TAFA2: variants seen among roughly 807,000 people sequenced by gnomAD.
The protein encoded by TAFA2 is chemokine-like protein TAFA-2.
Under a neutral mutation model 18.8 loss-of-function variants are expected in TAFA2, and 7 were observed. The observed-to-expected ratio is 0.37, with a 90% CI of 0.21 to 0.70. The LOEUF (loss-of-function observed/expected upper bound fraction) is 0.70, where lower values mean the gene tolerates loss of function less well. Ranked by LOEUF, TAFA2 falls within the 30% of genes least tolerant of loss-of-function variation. The pLI, the probability that TAFA2 is intolerant of heterozygous loss-of-function variation, is 0.53. For synonymous variants in TAFA2, 60 were observed against 54.2 expected (o/e 1.11, Z -0.47); for missense variants, 122 against 158.1 (o/e 0.77, Z 1.23).
At chr12:61,833,162 A>G (rs1401588675) in intron 2 of TAFA2, among the ~76,000 whole-genome samples, 1 of 150,968 alleles carries the variant, frequency 6.6e-6, no homozygotes, top group Non-Finnish European at 1.5e-5. Context: ...GGTAAAAACT[A>G]TTCCACTAGA....
At chr12:62,184,862 T>C (rs2062575748) in intron 1 of TAFA2, among the ~76,000 whole-genome samples, 1 of 152,148 alleles carries the variant, frequency 6.6e-6, no homozygotes, top group Non-Finnish European at 1.5e-5. Context: ...GCTGAGAAAC[T>C]GAGGCACAGA....
At chr12:61,984,325 A>G (rs1179395152) in intron 1 of TAFA2, among the ~76,000 whole-genome samples, 1 of 152,234 alleles carries the variant, frequency 6.6e-6, no homozygotes, top group Non-Finnish European at 1.5e-5. Flanking sequence ...CATTCATGCA[A>G]GGATACAGAT....
chr12:62,240,741 T>A (rs949236350), intron 1 of TAFA2, among the ~76,000 whole-genome samples: 5 of 152,082 alleles, frequency 3.3e-5, no homozygotes, highest in African/African-American at 1.2e-4. Flanking sequence ...CACGGACCGG[T>A]AGCAGTCCAT....
intron 4 of TAFA2, chr12:61,720,628 TA>T (rs1358704886): frequency 8.7e-6 from 2 of 228,764 alleles, no homozygotes; most frequent in East Asian, 2.4e-4. Context: ...ACTTAAATGC[TA>T]ATGGTAACCA....
intron 1 of TAFA2, among the ~76,000 whole-genome samples, chr12:62,180,772 A>G (rs1335097341): frequency 2.0e-5 from 3 of 152,038 alleles, no homozygotes; most frequent in African/African-American, 7.3e-5. Context: ...GAACAATGGT[A>G]TCATGGTCAA....
At chr12:62,002,128 C>T (rs183693849) in intron 1 of TAFA2, among the ~76,000 whole-genome samples, 1 of 152,240 alleles carries the variant, frequency 6.6e-6, no homozygotes, top group East Asian at 1.9e-4. Context: ...GGGAAGGTCA[C>T]TGCAATTAGG....
intron 1 of TAFA2, among the ~76,000 whole-genome samples, chr12:62,171,489 G>A (rs2062477787): frequency 6.6e-6 from 1 of 152,152 alleles, no homozygotes; most frequent in Non-Finnish European, 1.5e-5. Flanking sequence ...ATGTGTTGGG[G>A]TCCTGGCCCT....
At chr12:61,878,068 T>G (rs1369197905) in intron 1 of TAFA2, 1 of 455,262 alleles carries the variant, frequency 2.2e-6, no homozygotes, top group Non-Finnish European at 4.4e-6. Flanking sequence ...TACTGTGTGG[T>G]CCTACTTACA....
At chr12:61,830,752 G>A (rs1317100783) in intron 2 of TAFA2, among the ~76,000 whole-genome samples, 1 of 151,920 alleles carries the variant, frequency 6.6e-6, no homozygotes, top group South Asian at 2.1e-4. Flanking sequence ...ACTTGATATT[G>A]TAATAATGAA....
At chr12:61,926,111 T>C (rs1308642188) in intron 1 of TAFA2, among the ~76,000 whole-genome samples, 1 of 152,162 alleles carries the variant, frequency 6.6e-6, no homozygotes, top group African/African-American at 2.4e-5. Context: ...AAGAAATGGA[T>C]AAATTCCTGG....
At chr12:61,947,669 C>T (rs972374575) in intron 1 of TAFA2, among the ~76,000 whole-genome samples, 2 of 152,082 alleles carry the variant, frequency 1.3e-5, no homozygotes, top group African/African-American at 2.4e-5. Flanking sequence ...TCTACTCCAA[C>T]AATACATGCT....
intron 1 of TAFA2, among the ~76,000 whole-genome samples, chr12:61,911,630 C>T (rs1876617698): frequency 2.6e-5 from 4 of 152,076 alleles, no homozygotes; most frequent in African/African-American, 9.7e-5. Context: ...AGTTTTCTGT[C>T]CTAGTTTGTT....
chr12:62,220,460 T>G (rs940475040), intron 1 of TAFA2, among the ~76,000 whole-genome samples: 1 of 152,164 alleles, frequency 6.6e-6, no homozygotes, highest in Non-Finnish European at 1.5e-5. Flanking sequence ...TAATGCAAAA[T>G]AGTACAGCCA....
At chr12:62,081,732 G>A (rs146022387) in intron 1 of TAFA2, among the ~76,000 whole-genome samples, 3,694 of 152,074 alleles carry the variant, frequency 0.024, 149 homozygotes, top group African/African-American at 0.084. Context: ...TGATCCGCCC[G>A]CCTCAGCCTC....
chr12:62,250,696 T>C (rs2062909125), intron 1 of TAFA2, among the ~76,000 whole-genome samples: 1 of 152,220 alleles, frequency 6.6e-6, no homozygotes, highest in South Asian at 2.1e-4. Context: ...TAACTGTTCT[T>C]CCATATTTTC....
intron 1 of TAFA2, among the ~76,000 whole-genome samples, chr12:62,105,967 G>A (rs1160012008): frequency 1.3e-5 from 2 of 152,162 alleles, no homozygotes; most frequent in African/African-American, 4.8e-5. Flanking sequence ...TGAAAAATAG[G>A]TGCACTCTTA....
At chr12:61,826,711 T>A (rs752182858) in intron 2 of TAFA2, among the ~76,000 whole-genome samples, 1 of 151,980 alleles carries the variant, frequency 6.6e-6, no homozygotes, top group South Asian at 2.1e-4. Context: ...GCATTATGCA[T>A]GGCCCAGCCT....
intron 1 of TAFA2, among the ~76,000 whole-genome samples, chr12:61,976,671 G>A (rs1287544702): frequency 6.6e-6 from 1 of 151,832 alleles, no homozygotes; most frequent in African/African-American, 2.4e-5. Context: ...AGCTCCTAAT[G>A]CTATCCCTCT....
intron 1 of TAFA2, among the ~76,000 whole-genome samples, chr12:62,011,751 TA>T (rs202026493): frequency 4.4e-4 from 45 of 102,874 alleles, no homozygotes; most frequent in Admixed American, 6.2e-4. Context: ...CAATAAATAC[TA>T]AAAAAAAAAA....
Sources: allele counts gnomAD v4.1 joint callset (sites outside exome capture counted in the v4.1 genomes callset), GRCh38; gene constraint gnomAD v4.1.1; transcripts MANE v1.5; gene names NCBI Gene and HGNC (gene_info 2026-07-23, HGNC 2026-07-21).